The following MID1 variants were observed in gnomAD, a reference collection of about 807,000 sequenced individuals.
MID1 encodes E3 ubiquitin-protein ligase Midline-1.
A neutral mutation model predicts 40.4 loss-of-function variants in MID1; 7 were observed. That is an observed-to-expected ratio of 0.17 (90% CI 0.10 to 0.33). MID1 has a LOEUF of 0.33. MID1 is among the 10% of genes least tolerant of loss of function. MID1 has a pLI of 1.00. For synonymous variants in MID1, 229 were observed against 221.2 expected (o/e 1.04, Z -0.31); for missense variants, 367 against 558.5 (o/e 0.66, Z 3.46).
At chrX:10,703,848 A>G (rs2043208596) in intron 1 of MID1, among the ~76,000 whole-genome samples, 3 of 112,227 alleles carry the variant, frequency 2.7e-5, no homozygotes, top group South Asian at 7.4e-4. Flanking sequence ...AAAACAAGAA[A>G]GACCAAATAG....
intron 1 of MID1, among the ~76,000 whole-genome samples, chrX:10,822,415 C>G (rs1460795950): frequency 8.9e-6 from 1 of 111,793 alleles, no homozygotes; most frequent in Non-Finnish European, 1.9e-5. Flanking sequence ...CAATACCATT[C>G]AGGAAATAGG....
At chrX:10,702,064 C>T (rs2043196802) in intron 1 of MID1, among the ~76,000 whole-genome samples, 2 of 112,463 alleles carry the variant, frequency 1.8e-5, no homozygotes, top group African/African-American at 6.5e-5. Flanking sequence ...TATAATTATG[C>T]CACTCTGCAT....
chrX:10,627,260 T>G (rs1602481628), intron 1 of MID1, among the ~76,000 whole-genome samples: 1 of 112,005 alleles, frequency 8.9e-6, no homozygotes, highest in East Asian at 2.8e-4. Flanking sequence ...TCAGAGAAAT[T>G]ATATGCCTAA....
intron 1 of MID1, among the ~76,000 whole-genome samples, chrX:10,635,892 T>C (rs1936104351): frequency 8.9e-6 from 1 of 112,259 alleles, no homozygotes; most frequent in Admixed American, 9.5e-5. Context: ...TTGAAAGCAA[T>C]GTCACATGAA....
chrX:10,731,299 A>C (rs1348218974), intron 1 of MID1, among the ~76,000 whole-genome samples: 1 of 112,169 alleles, frequency 8.9e-6, no homozygotes, highest in East Asian at 2.8e-4. Flanking sequence ...GATAAAAAGC[A>C]AAGCGAAACA....
At chrX:10,673,049 C>T (rs981797803) in intron 1 of MID1, among the ~76,000 whole-genome samples, 1 of 111,724 alleles carries the variant, frequency 9.0e-6, no homozygotes, top group African/African-American at 3.3e-5. Context: ...AACTAGTACA[C>T]AAGGCAATTG....
intron 1 of MID1, among the ~76,000 whole-genome samples, chrX:10,817,558 T>TTCTTTCTC (rs1569177948): frequency 1.0e-5 from 1 of 98,460 alleles, no homozygotes; most frequent in Admixed American, 1.1e-4. Flanking sequence ...CTTTCTTTCT[T>TTCTTTCTC]TCTTTCTTTC....
At chrX:10,693,851 CAG>C (rs1569148454) in intron 1 of MID1, among the ~76,000 whole-genome samples, 1 of 111,780 alleles carries the variant, frequency 8.9e-6, no homozygotes. Context: ...TTTGGAAAAA[CAG>C]ACACTAAACT....
intron 1 of MID1, among the ~76,000 whole-genome samples, chrX:10,647,795 C>T (rs1936277210): frequency 9.0e-6 from 1 of 111,614 alleles, no homozygotes; most frequent in Non-Finnish European, 1.9e-5. Flanking sequence ...GCGTCAGAAT[C>T]ATCATATACG....
At chrX:10,814,718 T>C (rs1329333023) in intron 1 of MID1, among the ~76,000 whole-genome samples, 1 of 111,063 alleles carries the variant, frequency 9.0e-6, no homozygotes, top group Non-Finnish European at 1.9e-5. Flanking sequence ...CCCCTATCCT[T>C]AGCTCCTGGC....
At chrX:10,533,815 G>T (rs1378330417) in intron 2 of MID1, among the ~76,000 whole-genome samples, 1 of 111,881 alleles carries the variant, frequency 8.9e-6, no homozygotes, top group Admixed American at 9.5e-5. Context: ...AGTAAGAAAT[G>T]ACAATCTTCA....
At chrX:10,588,305 A>G (rs1212186622) in intron 1 of MID1, among the ~76,000 whole-genome samples, 2 of 111,946 alleles carry the variant, frequency 1.8e-5, no homozygotes, top group Non-Finnish European at 3.8e-5. Context: ...AAATTATACA[A>G]CATTTTTTGC....
intron 1 of MID1, among the ~76,000 whole-genome samples, chrX:10,763,515 G>A (rs4512554): frequency 0.026 from 2,849 of 111,371 alleles, 31 homozygotes; most frequent in Non-Finnish European, 0.039. Flanking sequence ...TTATGGCTGC[G>A]TAGTATTCCA....
rs1930065646 is a variant in MID1 at position 10,477,231 on chromosome X, C to T, written c.1014-2481G>A. Among the ~76,000 whole-genome samples, 5 of 112,822 alleles carry T rather than the reference C, an allele frequency of 4.4e-5. No homozygotes were observed. In the Admixed American group the frequency reaches 4.7e-4, roughly 11 times the overall value. Reference sequence around the variant, plus strand: ...CAGTTTCCCTGCCCACTGGCAGAAACCTCTTTATTCAGTCTCATCCAAAAT... The same window carrying T: ...CAGTTTCCCTGCCCACTGGCAGAAATCTCTTTATTCAGTCTCATCCAAAAT... On this transcript the variant is annotated intron_variant, in intron 5 of 9. Transcript: ENST00000317552.
chrX:10,542,387 A>C (rs1443420324), intron 2 of MID1, among the ~76,000 whole-genome samples: 1 of 111,795 alleles, frequency 8.9e-6, no homozygotes, highest in East Asian at 2.8e-4. Flanking sequence ...TTTAAAAAAA[A>C]CTTATAGTTC....
chrX:10,698,519 G>A (rs1396175314), intron 1 of MID1, among the ~76,000 whole-genome samples: 1 of 110,792 alleles, frequency 9.0e-6, no homozygotes, highest in Non-Finnish European at 1.9e-5. Context: ...TATTCTGAAT[G>A]TTGTACTAAA....
At chrX:10,726,737 G>A (rs7066175) in intron 1 of MID1, among the ~76,000 whole-genome samples, 1 of 112,458 alleles carries the variant, frequency 8.9e-6, no homozygotes, top group Non-Finnish European at 1.9e-5. Flanking sequence ...TCCAACTTGA[G>A]CGTCCTGGTC....
At chrX:10,537,690 C>T (rs1422668344) in intron 2 of MID1, among the ~76,000 whole-genome samples, 2 of 112,243 alleles carry the variant, frequency 1.8e-5, no homozygotes, top group Non-Finnish European at 3.8e-5. Context: ...GTGAGTTTCC[C>T]ACCAGAACAT....
intron 5 of MID1, among the ~76,000 whole-genome samples, chrX:10,481,248 T>C (rs750307205): frequency 9.0e-6 from 1 of 111,681 alleles, no homozygotes; most frequent in Non-Finnish European, 1.9e-5. Flanking sequence ...ATCTCTGCTC[T>C]AGGATGAAGA....
Sources: gnomAD v4.1 joint callset for allele counts (sites outside exome capture counted in the v4.1 genomes callset) on GRCh38, gnomAD v4.1.1 for gene constraint, MANE v1.5 for transcripts, NCBI Gene and HGNC (gene_info 2026-07-23, HGNC 2026-07-21) for gene names.